The following LPA variants were observed in gnomAD, a reference collection of about 807,000 sequenced individuals.
The protein encoded by LPA is apolipoprotein(a).
A neutral mutation model predicts 197.9 loss-of-function variants in LPA; 199 were observed. The observed-to-expected ratio is 1.01, with a 90% CI of 0.90 to 1.13. LPA has a LOEUF of 1.13. Among genes scored for constraint, LPA ranks in the 50% most tolerant of loss-of-function variants. The pLI is 0.00. For synonymous variants in LPA, 715 were observed against 639.5 expected (o/e 1.12, Z -1.78); for missense variants, 1,853 against 1,785.8 (o/e 1.04, Z -0.68).
chr6:160,588,307 C>T (rs1249683457), intron 24 of LPA, among the ~76,000 whole-genome samples: 1 of 151,642 alleles, frequency 6.6e-6, no homozygotes, highest in Non-Finnish European at 1.5e-5. Flanking sequence ...TCATTTGGAT[C>T]CTTTTAGACT....
chr6:160,657,000 T>G (rs942927112), intron 1 of LPA, among the ~76,000 whole-genome samples: 2 of 152,216 alleles, frequency 1.3e-5, no homozygotes, highest in South Asian at 4.1e-4. Context: ...CTGTCTATTA[T>G]GGTAGTTATG....
At chr6:160,561,236 T>C (rs1315263949) in intron 28 of LPA, among the ~76,000 whole-genome samples, 2 of 152,222 alleles carry the variant, frequency 1.3e-5, no homozygotes, top group Non-Finnish European at 2.9e-5. Context: ...CTTGAGTTAA[T>C]TTGTGTATAA....
At chr6:160,606,936 C>A (rs530384923) in intron 16 of LPA, among the ~76,000 whole-genome samples, 1 of 152,184 alleles carries the variant, frequency 6.6e-6, no homozygotes, top group African/African-American at 2.4e-5. Context: ...AAAAAACGAT[C>A]AGAGTATTCT....
In LPA at chr6:160,548,563, C is replaced by T; in HGVS notation, c.5070G>A (p.Leu1690=). 6.2e-7 allele frequency: 1 copy of T among 1,614,134 alleles called. No individual in the cohort carries two copies. The highest frequency in any genetic ancestry group is 8.5e-7 in the Non-Finnish European group (1 of 1,180,022). ...TCCCTTCTGTGTCTGAGCATCGCGTCAGGTTGCAGTACTCCCACCTGATGC... is the reference window on the plus strand; with the variant it reads ...TCCCTTCTGTGTCTGAGCATCGCGTTAGGTTGCAGTACTCCCACCTGATGC... ...DPSIRWEYCN[L]TRCSDTEGTV... The change falls in exon 31 of 39, where the codon CTG becomes CTA. Residue 1690 remains leucine (L), a synonymous_variant. Coordinates refer to ENST00000316300, the MANE Select transcript of LPA (RefSeq NM_005577.4).
At chr6:160,608,629 T>G (rs1286919035) in intron 16 of LPA, among the ~76,000 whole-genome samples, 1 of 152,120 alleles carries the variant, frequency 6.6e-6, no homozygotes, top group Non-Finnish European at 1.5e-5. Context: ...GAATTTCGTG[T>G]TTTTGCGATT....
At chr6:160,577,470 A>T (rs1192374878) in intron 27 of LPA, among the ~76,000 whole-genome samples, 175 bp from the exon 28 acceptor site, 1 of 152,226 alleles carries the variant, frequency 6.6e-6, no homozygotes, top group African/African-American at 2.4e-5. Flanking sequence ...TAGAATTTTA[A>T]TAAGTTCATA....
At chr6:160,602,077 T>C (rs1387489918) in intron 18 of LPA, among the ~76,000 whole-genome samples, 2 of 152,100 alleles carry the variant, frequency 1.3e-5, no homozygotes, top group Non-Finnish European at 2.9e-5. Context: ...AAACGGGAAA[T>C]GTATTATGGG....
intron 28 of LPA, 99 bp from the exon 29 acceptor site, chr6:160,557,670 A>G: frequency 9.7e-7 from 1 of 1,028,124 alleles, no homozygotes; most frequent in Non-Finnish European, 1.5e-6. Flanking sequence ...TTAAAAAGTG[A>G]CGTTGTAATA....
chr6:160,555,991 G>A, intron 30 of LPA, 34 bp downstream of exon 30: 4 of 1,511,020 alleles, frequency 2.6e-6, no homozygotes, highest in South Asian at 1.1e-5. Flanking sequence ...TAAGTTGGCT[G>A]TTGCTCCTCT....
chr6:160,661,346 TCTGAAAGCAGCG>T (rs1280602866), intron 1 of LPA, among the ~76,000 whole-genome samples: 2 of 152,126 alleles, frequency 1.3e-5, no homozygotes, highest in African/African-American at 4.8e-5. Context: ...GAAGCCTGGC[TCTGAAAGCAGCG>T]AGACTTCTAG....
rs7449940 is a variant in LPA, at chr6:160,533,816, G to A, written c.5843-1167C>T. Reference sequence around the variant, plus strand: ...AGAAATACTAGGGACAATTCTCCTCGTTGTAGTTCTTCTTTTGTGAAAAAC... The same window carrying A: ...AGAAATACTAGGGACAATTCTCCTCATTGTAGTTCTTCTTTTGTGAAAAAC... On this transcript the variant is annotated intron_variant, in intron 37 of 38. Transcript: ENST00000316300. 9.7e-3 allele frequency among the ~76,000 whole-genome samples: 1,476 copies of A among 152,256 alleles called. 24 individuals carry two copies. The highest frequency in any genetic ancestry group is 0.033 in the African/African-American group (1,368 of 41,550).
At chr6:160,626,722 C>A (rs1309773673) in intron 10 of LPA, among the ~76,000 whole-genome samples, 1 of 119,288 alleles carries the variant, frequency 8.4e-6, no homozygotes, top group African/African-American at 3.4e-5. Context: ...AATTTTCACG[C>A]AATTCTAATC....
intron 33 of LPA, among the ~76,000 whole-genome samples, chr6:160,544,887 C>T (rs534567199): frequency 6.6e-6 from 1 of 152,278 alleles, no homozygotes; most frequent in South Asian, 2.1e-4. Context: ...AGGAACCTAA[C>T]AAGCAGTCTC....
chr6:160,537,939 CT>C lies in LPA; in HGVS notation c.5757del (p.Val1920Ter). On this transcript the variant is annotated frameshift_variant, in exon 37 of 39. Coordinates refer to ENST00000316300, the MANE Select transcript of LPA (RefSeq NM_005577.4). LOFTEE classifies it high-confidence loss of function. The stretch of plus-strand genomic sequence containing the variant: ...GGGGATGGCAGACAAGCTGGCATTA[CT>C]TTGTCAGTGATGACGGCAGGCCTGT... ...KLSRPAVITD[K>X]VMPACLPSPD... is the part of the protein sequence containing the mutation. The C allele has an allele frequency of 6.2e-7, 1 of 1,614,214 alleles. No homozygotes were observed. Among genetic ancestry groups the C allele is most frequent in the Non-Finnish European group, 8.5e-7 (1 of 1,180,024 alleles).
At chr6:160,647,537 G>A (rs1425393504) in intron 2 of LPA, among the ~76,000 whole-genome samples, 4 of 152,276 alleles carry the variant, frequency 2.6e-5, no homozygotes, top group African/African-American at 7.2e-5. Context: ...CTAAGAGCCA[G>A]AGCTCTTTAA....
At chr6:160,537,356 C>A (rs956691403) in intron 37 of LPA, among the ~76,000 whole-genome samples, 13 of 152,140 alleles carry the variant, frequency 8.5e-5, no homozygotes, top group African/African-American at 3.1e-4. Context: ...AACACCCTCA[C>A]ACACACATTA....
At chr6:160,582,340 G>A (rs117319735) in intron 26 of LPA, among the ~76,000 whole-genome samples, 9 of 151,808 alleles carry the variant, frequency 5.9e-5, no homozygotes, top group Non-Finnish European at 1.2e-4. Flanking sequence ...CTCTGAAGGC[G>A]TTATTCTGTT....
At chr6:160,595,310 T>C (rs1449371555) in intron 21 of LPA, 44 bp downstream of exon 21, 1 of 1,607,476 alleles carries the variant, frequency 6.2e-7, no homozygotes, top group Admixed American at 1.7e-5. Flanking sequence ...ACTCTTTTCA[T>C]CCCAACGTCC....
chr6:160,565,885 C>T (rs1398691311), intron 28 of LPA, among the ~76,000 whole-genome samples: 1 of 151,966 alleles, frequency 6.6e-6, no homozygotes, highest in East Asian at 1.9e-4. Flanking sequence ...GACACATGAA[C>T]AAGTTTCAGT....
Sources: allele counts gnomAD v4.1 joint callset (sites outside exome capture counted in the v4.1 genomes callset), GRCh38; gene constraint gnomAD v4.1.1; transcripts MANE v1.5; gene names NCBI Gene and HGNC (gene_info 2026-07-23, HGNC 2026-07-21).